Variants in LHFPL5 observed in about 807,000 individuals in gnomAD.
The protein encoded by LHFPL5 is LHFPL tetraspan subfamily member 5.
Under a neutral mutation model 18.7 loss-of-function variants are expected in LHFPL5, and 12 were observed. That is an observed-to-expected ratio of 0.64 (90% CI 0.41 to 1.04). The LOEUF (loss-of-function observed/expected upper bound fraction) is 1.04, where lower values mean the gene tolerates loss of function less well. LHFPL5 is among the 50% of genes least tolerant of loss of function. LHFPL5 has a pLI of 0.00. For synonymous variants in LHFPL5, 111 were observed against 120.2 expected, an observed-to-expected ratio of 0.92 and a Z score of 0.50; for missense variants, 259 against 292.1, an observed-to-expected ratio of 0.89 and a Z score of 0.83.
rs57339676 is a variant in LHFPL5 at position 35,823,414 on chromosome 6, C to T, written c.*449C>T. On this transcript the variant is annotated 3_prime_UTR_variant, in exon 4 of 4. Transcript: ENST00000360215. The stretch of plus-strand genomic sequence containing the variant: ...ACACACACACACACACACACACACA[C>T]ACACACACACATACATACACACACA... 0.016 allele frequency: 2,031 copies of T among 124,204 alleles called. 55 individuals carry two copies. The highest frequency in any genetic ancestry group is 0.056 in the African/African-American group (1,758 of 31,172). The allele number at this position is 124,204 out of a possible 1,614,324, so 7.7% of individuals were successfully genotyped here. A position where few individuals can be genotyped will look rare whatever the true frequency, so the allele number is the denominator to read the frequency against.
intron 2 of LHFPL5, among the ~76,000 whole-genome samples, chr6:35,818,592 T>C (rs1768813248): frequency 6.6e-6 from 1 of 151,482 alleles, no homozygotes; most frequent in Non-Finnish European, 1.5e-5. Context: ...AGAATCCTGG[T>C]GTGCACCTCA....
rs11968149 is a variant in LHFPL5 at position 35,814,180 on chromosome 6, T to C, written c.413-366T>C. Among the ~76,000 whole-genome samples the C allele has an allele frequency of 0.29, 44,486 of 152,158 alleles. 6,853 individuals carry two copies. Among genetic ancestry groups the C allele is most frequent in the South Asian group, 0.42 (2,029 of 4,824 alleles). On this transcript the variant is annotated intron_variant, in intron 1 of 3. Transcript: ENST00000360215. The surrounding 1 kb of genome is among the most constrained non-coding windows in gnomAD (Gnocchi z 4.2). Reference sequence around the variant, plus strand: ...CTCAGCAGTGATGAGTTCTTTGGGCTGGGACTAGATACCGGAGGGCTTTGA... The same window carrying C: ...CTCAGCAGTGATGAGTTCTTTGGGCCGGGACTAGATACCGGAGGGCTTTGA...
intron 2 of LHFPL5, among the ~76,000 whole-genome samples, chr6:35,817,191 G>T (rs1477549413): frequency 1.3e-5 from 2 of 151,814 alleles, no homozygotes; most frequent in Non-Finnish European, 2.9e-5. Flanking sequence ...TGTGGTGGTG[G>T]GCACCTGTAG....
At chr6:35,806,157 T>C in intron 1 of LHFPL5, 75 bp downstream of exon 1, 1 of 1,525,524 alleles carries the variant, frequency 6.6e-7, no homozygotes, top group Non-Finnish European at 8.9e-7. Context: ...TCCCAGCCTC[T>C]GCCAGGGCTC....
chr6:35,808,812 G>C (rs948504227), intron 1 of LHFPL5, among the ~76,000 whole-genome samples: 2 of 151,736 alleles, frequency 1.3e-5, no homozygotes, highest in African/African-American at 2.4e-5. Flanking sequence ...GTGCCAGGAG[G>C]GGGAGGGGTT....
intron 3 of LHFPL5, chr6:35,819,683 T>C (rs1768829863): frequency 4.3e-5 from 3 of 69,296 alleles, no homozygotes; most frequent in Non-Finnish European, 7.7e-5. Flanking sequence ...TACCTGTGTC[T>C]TTTTTTTTTT....
chr6:35,807,112 T>C (rs1027265017), intron 1 of LHFPL5, among the ~76,000 whole-genome samples: 6 of 152,012 alleles, frequency 3.9e-5, no homozygotes, highest in Non-Finnish European at 8.8e-5. Flanking sequence ...TCAGATGTGA[T>C]CCACAGCACC....
chr6:35,810,695 C>A (rs181270423), intron 1 of LHFPL5, among the ~76,000 whole-genome samples: 1 of 151,858 alleles, frequency 6.6e-6, no homozygotes, highest in Non-Finnish European at 1.5e-5. Context: ...GGCTTGGTGG[C>A]GGGCGCCTGT....
chr6:35,808,959 C>T (rs528763967), intron 1 of LHFPL5, among the ~76,000 whole-genome samples: 6 of 152,140 alleles, frequency 3.9e-5, no homozygotes, highest in East Asian at 3.9e-4. Context: ...TGCTGTGCTG[C>T]GGAAGGGGAA....
intron 3 of LHFPL5, among the ~76,000 whole-genome samples, chr6:35,821,535 GCAATGA>G (rs1768867984): frequency 6.6e-6 from 1 of 150,828 alleles, no homozygotes; most frequent in Non-Finnish European, 1.5e-5. Flanking sequence ...AGGCTGGAGT[GCAATGA>G]CATGATCTTG....
At position 35,814,493 on chromosome 6, in the gene LHFPL5, G is replaced by A; in HGVS notation, c.413-53G>A. ...ACAGCAGTGCAAGGTGTGGGAGGTA[G>A]CGGGCTAGGCACACTCGGCCTGATG... is the stretch of plus-strand genomic sequence containing the variant. On this transcript the variant is annotated intron_variant, in intron 1 of 3. Coordinates refer to ENST00000360215, the MANE Select transcript of LHFPL5 (RefSeq NM_182548.4). This position sits in a 1 kb window ranked among gnomAD's most constrained non-coding sequence, Gnocchi z 4.2. 7.4e-7 allele frequency: 1 copy of A among 1,351,094 alleles called. No homozygotes were observed. The highest frequency in any genetic ancestry group is 1.2e-5 in the South Asian group (1 of 85,736). 83.7% of individuals were successfully genotyped at this position (1,351,094 alleles called of 1,614,324 possible). A position where few individuals can be genotyped will look rare whatever the true frequency, so the allele number is the denominator to read the frequency against.
At chr6:35,818,343 ATATATGTATTTTT>A (rs1393200825) in intron 2 of LHFPL5, among the ~76,000 whole-genome samples, 511 of 7,250 alleles carry the variant, frequency 0.07, 6 homozygotes, top group Non-Finnish European at 0.13. Flanking sequence ...ATATATATAT[ATATATGTATTTTT>A]TTTTTTTTTT....
At chr6:35,806,182 A>G in intron 1 of LHFPL5, 100 bp downstream of exon 1, 1 of 1,333,898 alleles carries the variant, frequency 7.5e-7, no homozygotes, top group South Asian at 1.2e-5. Context: ...CCTTAAATTT[A>G]GCTGTTCTCC....
chr6:35,810,574 A>G, intron 1 of LHFPL5, among the ~76,000 whole-genome samples: 1 of 152,150 alleles, frequency 6.6e-6, no homozygotes, highest in Non-Finnish European at 1.5e-5. Context: ...AAAATTAGAC[A>G]GGTGACATAA....
In LHFPL5 at chr6:35,819,439, G is replaced by A. The variant is rs143722849; in HGVS notation, c.652G>A (p.Glu218Lys). The A allele has an allele frequency of 1.2e-6, 2 of 1,614,116 alleles. No homozygotes were observed. The highest frequency in any genetic ancestry group is 1.7e-6 in the Non-Finnish European group (2 of 1,179,998). Reference sequence around the variant, plus strand: ...TACTGTTCTCTCCTTCATTACAGAGGAGGTGTGAAGCAGCTGAAGGGTCGG... The same window carrying A: ...TACTGTTCTCTCCTTCATTACAGAGAAGGTGTGAAGCAGCTGAAGGGTCGG... ...PDDYKADGTE[E>K]V Residue 218 changes from glutamate to lysine, a missense_variant and splice_region_variant, in exon 3 of 4, where the codon GAG becomes AAG. By Grantham distance (56) the Glu-to-Lys change is moderately conservative. Coordinates refer to ENST00000360215, the MANE Select transcript of LHFPL5 (RefSeq NM_182548.4).
chr6:35,811,007 G>C (rs1008060415), intron 1 of LHFPL5, among the ~76,000 whole-genome samples: 1 of 152,126 alleles, frequency 6.6e-6, no homozygotes, highest in Non-Finnish European at 1.5e-5. Flanking sequence ...CGCTCTCACT[G>C]TTGTCTCCTG....
intron 2 of LHFPL5, among the ~76,000 whole-genome samples, chr6:35,815,113 C>T (rs966106532): frequency 6.6e-6 from 1 of 152,078 alleles, no homozygotes. Context: ...AAGTAATATT[C>T]CTGGAAGTTT....
intron 1 of LHFPL5, chr6:35,811,576 G>C (rs1768665223): frequency 6.6e-6 from 1 of 152,352 alleles, no homozygotes. Context: ...CCAACACCCT[G>C]TTTCCAGGTC....
chr6:35,805,624 G>A lies in LHFPL5; in HGVS notation c.-47G>A, dbSNP rs200708531. ...TCTAGGCCTCCATCCACAAAGCTAC[G>A]GACTTGCAGCCCACGGGACCCCAGC... On this transcript the variant is annotated 5_prime_UTR_variant, in exon 1 of 4. Transcript: ENST00000360215. This position sits in a 1 kb window ranked among gnomAD's most constrained non-coding sequence, Gnocchi z 4.3. 8.1e-6 allele frequency: 13 copies of A among 1,607,708 alleles called. No individual in the cohort carries two copies. Among genetic ancestry groups the A allele is most frequent in the Middle Eastern group, 1.6e-4 (1 of 6,068 alleles).
Sources: gnomAD v4.1 joint callset for allele counts (sites outside exome capture counted in the v4.1 genomes callset) on GRCh38, gnomAD v4.1.1 for gene constraint, Gnocchi (gnomAD v3.1) non-coding constraint, MANE v1.5 for transcripts, NCBI Gene and HGNC (gene_info 2026-07-23, HGNC 2026-07-21) for gene names.